Variants in SLC12A2 observed in about 807,000 individuals in gnomAD.
The protein encoded by SLC12A2 is solute carrier family 12 member 2.
In SLC12A2, 67 loss-of-function variants were observed where a neutral mutation model predicts 136.3. The observed-to-expected ratio is 0.49, with a 90% confidence interval of 0.40 to 0.60. The LOEUF (loss-of-function observed/expected upper bound fraction) is 0.60. SLC12A2 is among the 20% of genes least tolerant of loss of function. The pLI is 0.00. For missense variants in SLC12A2, 1,322 were observed against 1,534.7 expected (o/e 0.86, Z 2.32); for synonymous variants, 619 against 562.9 (o/e 1.10, Z -1.41).
intron 9 of SLC12A2, among the ~76,000 whole-genome samples, chr5:128,140,612 G>GCTTCAGAAAGTAAAAATCTT (rs1762331064): frequency 6.6e-6 from 1 of 152,070 alleles, no homozygotes; most frequent in African/African-American, 2.4e-5. Context: ...AGCAATAGGG[G>GCTTCAGAAAGTAAAAATCTT]TAACCCCTTG....
intron 1 of SLC12A2, among the ~76,000 whole-genome samples, chr5:128,102,505 T>C (rs180889655): frequency 4.6e-5 from 7 of 151,280 alleles, no homozygotes; most frequent in African/African-American, 1.7e-4. Context: ...TGGAATCGTA[T>C]AGCATATTTT....
chr5:128,122,487 A>G (rs889213644), intron 4 of SLC12A2, among the ~76,000 whole-genome samples: 1 of 152,210 alleles, frequency 6.6e-6, no homozygotes, highest in African/African-American at 2.4e-5. Flanking sequence ...AGTCACATTT[A>G]ACATTTACAT....
intron 1 of SLC12A2, among the ~76,000 whole-genome samples, chr5:128,109,079 T>A (rs1761044858): frequency 6.6e-6 from 1 of 152,270 alleles, no homozygotes; most frequent in East Asian, 1.9e-4. Context: ...ATTTTCCATG[T>A]ATTTCACATA....
intron 1 of SLC12A2, among the ~76,000 whole-genome samples, chr5:128,111,701 C>T (rs1581071071): frequency 6.7e-6 from 1 of 149,470 alleles, no homozygotes; most frequent in Non-Finnish European, 1.5e-5. Context: ...GGAGGCGGAG[C>T]TTGCAGTGAG....
chr5:128,098,790 G>C (rs1760638519), intron 1 of SLC12A2, among the ~76,000 whole-genome samples: 1 of 152,066 alleles, frequency 6.6e-6, no homozygotes, highest in Non-Finnish European at 1.5e-5. Context: ...CCCCTGGGGA[G>C]TCTCCCCTGC....
rs773765754 is a variant in SLC12A2 at position 128,151,321 on chromosome 5, A to T, written c.2188A>T (p.Ile730Phe). ...AILCCIVMFVINWWAALLTYV... is the reference protein window; with the variant it reads ...AILCCIVMFVFNWWAALLTYV... Reference sequence around the variant, plus strand: ...TCTTTGTTGCATAGTAATGTTCGTCATTAACTGGTGGGCTGCATTGCTAAC... The same window carrying T: ...TCTTTGTTGCATAGTAATGTTCGTCTTTAACTGGTGGGCTGCATTGCTAAC... Residue 730 changes from isoleucine to phenylalanine, a missense_variant, in exon 14 of 27, where the codon ATT becomes TTT. By Grantham distance (21) the Ile-to-Phe change is conservative (BLOSUM62 0). Transcript: ENST00000262461. 1.2e-6 allele frequency: 2 copies of T among 1,612,798 alleles called. No individual in the cohort carries two copies. Among genetic ancestry groups the T allele is most frequent in the African/African-American group, 1.3e-5 (1 of 74,874 alleles).
At chr5:128,106,684 A>T (rs766088109) in intron 1 of SLC12A2, among the ~76,000 whole-genome samples, 5 of 152,168 alleles carry the variant, frequency 3.3e-5, no homozygotes, top group Admixed American at 6.5e-5. Flanking sequence ...AATACTGGAA[A>T]ATTTTACTTT....
At chr5:128,120,375 C>T (rs371403133) in intron 4 of SLC12A2, among the ~76,000 whole-genome samples, 2 of 149,150 alleles carry the variant, frequency 1.3e-5, no homozygotes, top group Non-Finnish European at 3.0e-5. Flanking sequence ...ACCCAAAGGA[C>T]TATAAATCAT....
At chr5:128,184,242 G>T in intron 24 of SLC12A2, 124 bp from the exon 25 acceptor site, 2 of 582,724 alleles carry the variant, frequency 3.4e-6, no homozygotes, top group Admixed American at 6.4e-5. Flanking sequence ...TATGGTTGGG[G>T]TATGGAGAGG....
At chr5:128,153,950 A>T (rs1424735772) in intron 15 of SLC12A2, among the ~76,000 whole-genome samples, 2 of 152,000 alleles carry the variant, frequency 1.3e-5, no homozygotes, top group Non-Finnish European at 2.9e-5. Context: ...CATATTTTGG[A>T]TAGTGATGTC....
At chr5:128,169,803 CATT>C (rs1372386057) in intron 18 of SLC12A2, 1 of 152,126 alleles carries the variant, frequency 6.6e-6, no homozygotes, top group Non-Finnish European at 1.5e-5. Context: ...ACACCTGTCA[CATT>C]ATTAGTTGTA....
intron 1 of SLC12A2, among the ~76,000 whole-genome samples, chr5:128,095,158 A>G (rs959206014): frequency 4.6e-5 from 7 of 152,178 alleles, no homozygotes; most frequent in Admixed American, 2.6e-4. Context: ...TAGGTTCTCA[A>G]TGAAGTGTTT....
chr5:128,174,803 A>G, intron 20 of SLC12A2, 137 bp downstream of exon 20: 1 of 633,300 alleles, frequency 1.6e-6, no homozygotes, highest in Non-Finnish European at 2.5e-6. Context: ...GGTCAGGTAA[A>G]ATTTATGGCT....
intron 17 of SLC12A2, 88 bp from the exon 18 acceptor site, chr5:128,167,673 T>C (rs561080182): frequency 2.4e-6 from 2 of 846,370 alleles, no homozygotes; most frequent in African/African-American, 3.6e-5. Context: ...CTATAGAAGC[T>C]GTCAATTTGG....
intron 1 of SLC12A2, among the ~76,000 whole-genome samples, chr5:128,091,196 T>G (rs2126640343): frequency 6.6e-6 from 1 of 152,164 alleles, no homozygotes; most frequent in African/African-American, 2.4e-5. Flanking sequence ...TGCTGATGGT[T>G]TGGATGAGGG....
intron 5 of SLC12A2, 49 bp downstream of exon 5, chr5:128,131,255 G>A: frequency 1.3e-6 from 2 of 1,568,342 alleles, no homozygotes; most frequent in Middle Eastern, 1.7e-4. Context: ...TTTATTGAGG[G>A]ATTATATGCC....
At chr5:128,171,984 A>C in intron 19 of SLC12A2, 1 of 343,418 alleles carries the variant, frequency 2.9e-6, no homozygotes, top group South Asian at 8.3e-5. Context: ...TCCAAAGCAT[A>C]AGCTTAAGAG....
intron 10 of SLC12A2, among the ~76,000 whole-genome samples, chr5:128,143,499 T>A (rs1762434605): frequency 6.6e-6 from 1 of 152,152 alleles, no homozygotes; most frequent in South Asian, 2.1e-4. Flanking sequence ...TATTGTTACC[T>A]CTATTAAGGT....
At chr5:128,155,828 G>T (rs1341101569) in intron 15 of SLC12A2, among the ~76,000 whole-genome samples, 1 of 152,066 alleles carries the variant, frequency 6.6e-6, no homozygotes, top group East Asian at 1.9e-4. Context: ...CTTTCTTTTT[G>T]ATCTGATTAG....
Sources: allele counts gnomAD v4.1 joint callset (sites outside exome capture counted in the v4.1 genomes callset), GRCh38; gene constraint gnomAD v4.1.1; transcripts MANE v1.5; gene names NCBI Gene and HGNC (gene_info 2026-07-23, HGNC 2026-07-21).